DRAXIN: variants seen among roughly 807,000 people sequenced by gnomAD.
DRAXIN encodes the protein dorsal repulsive axon guidance protein.
A neutral mutation model predicts 33.9 loss-of-function variants in DRAXIN; 27 were observed. The ratio of observed to expected loss-of-function variants is 0.80; its 90% CI spans 0.59 to 1.10. The LOEUF is 1.10. Among genes scored for constraint, DRAXIN ranks in the 50% least tolerant of loss-of-function variants. DRAXIN has a pLI of 0.00. For synonymous variants in DRAXIN, 178 were observed against 194.0 expected (o/e 0.92, Z 0.69); for missense variants, 371 against 460.8 (o/e 0.81, Z 1.78).
upstream of DRAXIN, among the ~76,000 whole-genome samples, chr1:11,690,381 G>A (rs145194868): frequency 3.0e-3 from 456 of 152,250 alleles, no homozygotes; most frequent in Middle Eastern, 6.8e-3. The surrounding 1 kb of genome is among the most constrained non-coding windows in gnomAD (Gnocchi z 4.2). Context: ...AACAATGGCA[G>A]CTAATTTTAC....
rs1432376002 is a variant in DRAXIN, at chr1:11,705,468, T to C, written c.-10-781T>C. On this transcript the variant is annotated intron_variant, in intron 1 of 6. Transcript: ENST00000294485. The surrounding 1 kb of genome is among the most constrained non-coding windows in gnomAD (Gnocchi z 4.8). ...GGTCAGAGCCAAGTCTGCAAAGCTG[T>C]TCCCAAAGCCCCTCCCCCAGGGGAA... 6.6e-6 allele frequency among the ~76,000 whole-genome samples: 1 copy of C among 152,034 alleles called. No individual in the cohort carries two copies. Among genetic ancestry groups the C allele is most frequent in the Non-Finnish European group, 1.5e-5 (1 of 67,994 alleles).
chr1:11,697,190 G>A (rs1641207424), intron 1 of DRAXIN, among the ~76,000 whole-genome samples: 1 of 152,220 alleles, frequency 6.6e-6, no homozygotes, highest in Admixed American at 6.5e-5. Flanking sequence ...CCTCCCATGG[G>A]TCAGCTTAGT....
chr1:11,715,026 G>A (rs1023657037), intron 5 of DRAXIN, 93 bp from the exon 6 acceptor site: 2 of 1,471,260 alleles, frequency 1.4e-6, no homozygotes, highest in Non-Finnish European at 1.9e-6. Context: ...CTGCCACAGA[G>A]ATGATGGATC....
rs558462480 is a variant in DRAXIN at position 11,724,109 on chromosome 1, G to C, written c.*4413G>C. ...GGACCATGAGATGCTCTATTAGAAAGGGTCAGGGTACGGTTCCATGGTCAG... is the reference window on the plus strand; with the variant it reads ...GGACCATGAGATGCTCTATTAGAAACGGTCAGGGTACGGTTCCATGGTCAG... On this transcript the variant is annotated 3_prime_UTR_variant, in exon 7 of 7. Transcript: ENST00000294485. 4 of 152,360 alleles carry C rather than the reference G, an allele frequency of 2.6e-5. No individual in the cohort carries two copies. The highest frequency in any genetic ancestry group is 9.6e-5 in the African/African-American group (4 of 41,584). The allele number at this position is 152,360 out of a possible 1,614,324, so 9.4% of individuals were successfully genotyped here. A position where few individuals can be genotyped will look rare whatever the true frequency, so the allele number is the denominator to read the frequency against.
Position 11,712,359 on chromosome 1 carries a change from C to G in DRAXIN, c.777C>G (p.Leu259=). The change falls in exon 5 of 7, where the codon CTC becomes CTG. Residue 259 remains leucine (L), a synonymous_variant. Coordinates refer to ENST00000294485, the MANE Select transcript of DRAXIN (RefSeq NM_198545.4). ...AKKKEKHRGK[L]SSDGNETSPA... ...CCCCAGAGAAACACCGCGGTAAACTCTCCAGTGATGGTAACGAAACATCAC... is the reference window on the plus strand; with the variant it reads ...CCCCAGAGAAACACCGCGGTAAACTGTCCAGTGATGGTAACGAAACATCAC... 1 of 1,614,086 alleles carries G rather than the reference C, an allele frequency of 6.2e-7. No homozygotes were observed.
intron 1 of DRAXIN, among the ~76,000 whole-genome samples, chr1:11,698,888 TG>T (rs1641231103): frequency 6.6e-6 from 1 of 152,178 alleles, no homozygotes; most frequent in Non-Finnish European, 1.5e-5. Context: ...AAAATCTTCC[TG>T]GAACTACAGA....
At position 11,705,964 on chromosome 1, in the gene DRAXIN, T is replaced by G. The variant is rs1225077221; in HGVS notation, c.-10-285T>G. 6.6e-6 allele frequency among the ~76,000 whole-genome samples: 1 copy of G among 152,150 alleles called. No individual in the cohort carries two copies. Among genetic ancestry groups the G allele is most frequent in the Non-Finnish European group, 1.5e-5 (1 of 68,008 alleles). ...TGCTGAAATGATTTAAGCCGGGGGT[T>G]CTCAGCCTCGGTACTGTTGTTTTTC... On this transcript the variant is annotated intron_variant, in intron 1 of 6. Coordinates refer to ENST00000294485, the MANE Select transcript of DRAXIN (RefSeq NM_198545.4). This position sits in a 1 kb window ranked among gnomAD's most constrained non-coding sequence, Gnocchi z 4.8.
At chr1:11,710,921 C>CAA (rs57916288) in intron 3 of DRAXIN, among the ~76,000 whole-genome samples, 7 of 90,172 alleles carry the variant, frequency 7.8e-5, no homozygotes, top group African/African-American at 1.5e-4. Flanking sequence ...GACTCCATCT[C>CAA]AAAAAAAAAA....
At chr1:11,695,607 AAAAAAT>A (rs1557685900) in intron 1 of DRAXIN, among the ~76,000 whole-genome samples, 1 of 100,314 alleles carries the variant, frequency 1.0e-5, no homozygotes, top group African/African-American at 3.8e-5. Flanking sequence ...GTCTCAAAAA[AAAAAAT>A]ATATATATAT....
chr1:11,690,161 C>CAT (rs776338421), upstream of DRAXIN, among the ~76,000 whole-genome samples: 6 of 151,988 alleles, frequency 3.9e-5, no homozygotes, highest in Admixed American at 6.6e-5. This position sits in a 1 kb window ranked among gnomAD's most constrained non-coding sequence, Gnocchi z 4.2. Context: ...TTTATTTGTT[C>CAT]ACTTATCTTC....
chr1:11,710,152 A>G (rs1356215358), intron 3 of DRAXIN, among the ~76,000 whole-genome samples: 2 of 146,048 alleles, frequency 1.4e-5, no homozygotes, highest in Admixed American at 1.4e-4. Context: ...CCCACTGCAC[A>G]CCAGCCCGGG....
At position 11,720,699 on chromosome 1, in the gene DRAXIN, G is replaced by A. The variant is rs1641648885; in HGVS notation, c.*1003G>A. 6.6e-6 allele frequency: 1 copy of A among 151,750 alleles called. No homozygotes were observed. Among genetic ancestry groups the A allele is most frequent in the Non-Finnish European group, 1.5e-5 (1 of 68,010 alleles). The allele number at this position is 151,750 out of a possible 1,614,324, so 9.4% of individuals were successfully genotyped here. A position where few individuals can be genotyped will look rare whatever the true frequency, so the allele number is the denominator to read the frequency against. Reference sequence around the variant, plus strand: ...GCCCAGGGACCCACTGAGAGGTCCTGGGAAGTACATGGCAGAGCAAGGACA... The same window carrying A: ...GCCCAGGGACCCACTGAGAGGTCCTAGGAAGTACATGGCAGAGCAAGGACA... On this transcript the variant is annotated 3_prime_UTR_variant, in exon 7 of 7. Transcript: ENST00000294485.
chr1:11,699,413 T>C (rs1641238324), intron 1 of DRAXIN, among the ~76,000 whole-genome samples: 1 of 152,062 alleles, frequency 6.6e-6, no homozygotes, highest in South Asian at 2.1e-4. Context: ...TCAGACTAAC[T>C]CTCTTTGGCT....
chr1:11,699,766 A>ACCTCGGTTTCGTCATTTTAAAACCATGG (rs1641243601), intron 1 of DRAXIN, among the ~76,000 whole-genome samples: 1 of 151,690 alleles, frequency 6.6e-6, no homozygotes, highest in Non-Finnish European at 1.5e-5. Context: ...GTCTCTACTA[A>ACCTCGGTTTCGTCATTTTAAAACCATGG]AAATACAAGA....
chr1:11,706,432 C>T lies in DRAXIN; in HGVS notation c.174C>T (p.Arg58=). 1 of 1,611,640 alleles carries T rather than the reference C, an allele frequency of 6.2e-7. No homozygotes were observed. Among genetic ancestry groups the T allele is most frequent in the Non-Finnish European group, 8.5e-7 (1 of 1,179,372 alleles). The change falls in exon 2 of 7, where the codon CGC becomes CGT. Residue 58 remains arginine, a synonymous_variant. Transcript: ENST00000294485. The surrounding 1 kb of genome is among the most constrained non-coding windows in gnomAD (Gnocchi z 5.5). ...GGACGCCTCAGGCCAGCCACCACCG[C>T]CGGCGGGGCCCGGGCAAGAAGGAGT... is the stretch of plus-strand genomic sequence containing the variant. ...ALWTPQASHH[R]RRGPGKKEWG...
intron 1 of DRAXIN, among the ~76,000 whole-genome samples, chr1:11,702,304 GCA>G (rs33962639): frequency 0.23 from 33,754 of 148,186 alleles, 3,930 homozygotes; most frequent in East Asian, 0.37. Flanking sequence ...CATGCTCACA[GCA>G]CACACACACG....
rs1381965252 is a variant in DRAXIN at position 11,694,811 on chromosome 1, G to C, written c.-11+2958G>C. 6.6e-6 allele frequency among the ~76,000 whole-genome samples: 1 copy of C among 152,148 alleles called. No individual in the cohort carries two copies. The highest frequency in any genetic ancestry group is 1.9e-4 in the East Asian group (1 of 5,186). Reference sequence around the variant, plus strand: ...AGAAGAAGAAGGTTGTGGGAGGATGGCTGAATCCTTGCCAGTAGAGGCTCT... The same window carrying C: ...AGAAGAAGAAGGTTGTGGGAGGATGCCTGAATCCTTGCCAGTAGAGGCTCT... On this transcript the variant is annotated intron_variant, in intron 1 of 6. Coordinates refer to ENST00000294485, the MANE Select transcript of DRAXIN (RefSeq NM_198545.4). This position sits in a 1 kb window ranked among gnomAD's most constrained non-coding sequence, Gnocchi z 4.9.
rs997182413 is a variant in DRAXIN at position 11,706,203 on chromosome 1, G to C, written c.-10-46G>C. ...TTAATCATTTGAGTGAGGGGCAGCAGAGAGAGGCCTGGGGCTGCGCATTCA... is the reference window on the plus strand; with the variant it reads ...TTAATCATTTGAGTGAGGGGCAGCACAGAGAGGCCTGGGGCTGCGCATTCA... On this transcript the variant is annotated intron_variant, in intron 1 of 6. Coordinates refer to ENST00000294485, the MANE Select transcript of DRAXIN (RefSeq NM_198545.4). The surrounding 1 kb of genome is among the most constrained non-coding windows in gnomAD (Gnocchi z 5.5). 1.4e-6 allele frequency: 2 copies of C among 1,453,914 alleles called. No homozygotes were observed. Among genetic ancestry groups the C allele is most frequent in the African/African-American group, 2.8e-5 (2 of 70,276 alleles). 90.1% of individuals were successfully genotyped at this position (1,453,914 alleles called of 1,614,324 possible).
chr1:11,719,049 C>T (rs1054698422), intron 6 of DRAXIN, among the ~76,000 whole-genome samples: 3 of 152,094 alleles, frequency 2.0e-5, no homozygotes, highest in African/African-American at 7.2e-5. Context: ...TACAGGCACC[C>T]ACCACCATGC....
Sources: gnomAD v4.1 joint callset for allele counts (sites outside exome capture counted in the v4.1 genomes callset) on GRCh38, gnomAD v4.1.1 for gene constraint, Gnocchi (gnomAD v3.1) non-coding constraint, MANE v1.5 for transcripts, NCBI Gene and HGNC (gene_info 2026-07-23, HGNC 2026-07-21) for gene names.